Variants in GPC3 observed in about 807,000 individuals in gnomAD.
The protein encoded by GPC3 is glypican-3.
Under a neutral mutation model 34.4 loss-of-function variants are expected in GPC3, and 3 were observed. That is an observed-to-expected ratio of 0.09 (90% CI 0.04 to 0.23). The LOEUF (loss-of-function observed/expected upper bound fraction) is 0.23, where lower values mean the gene tolerates loss of function less well. Ranked by LOEUF, GPC3 falls within the 10% of genes least tolerant of loss-of-function variation. The probability of loss-of-function intolerance (pLI) is 1.00; values close to 1 mark genes in which losing one functional copy is unlikely to be tolerated. For missense variants in GPC3, 351 were observed against 445.6 expected (o/e 0.79, Z 1.91); for synonymous variants, 177 against 174.0 (o/e 1.02, Z -0.13).
intron 2 of GPC3, among the ~76,000 whole-genome samples, chrX:133,892,436 T>C (rs978808760): frequency 5.4e-5 from 6 of 111,035 alleles, no homozygotes; most frequent in African/African-American, 2.0e-4. Context: ...TGCTCAGCAG[T>C]CAGGGCAAGT....
At position 133,919,247 on chromosome X, in the gene GPC3, C is replaced by T. The variant is rs142642243; in HGVS notation, c.337+33803G>A. Reference sequence around the variant, plus strand: ...GTACATTTAGTAAATCCAAGTCATGCCAAGTTGGTGCTCTCCAACTCCAGT... The same window carrying T: ...GTACATTTAGTAAATCCAAGTCATGTCAAGTTGGTGCTCTCCAACTCCAGT... On this transcript the variant is annotated intron_variant, in intron 2 of 7. Coordinates refer to ENST00000370818, the MANE Select transcript of GPC3 (RefSeq NM_004484.4). Among the ~76,000 whole-genome samples the T allele has an allele frequency of 6.2e-5, 7 of 112,004 alleles. No individual in the cohort carries two copies. The East Asian group carries it at 1.7e-3, about 27-fold the overall frequency.
At chrX:133,691,939 T>C (rs1049501159) in intron 5 of GPC3, among the ~76,000 whole-genome samples, 11 of 112,553 alleles carry the variant, frequency 9.8e-5, no homozygotes, top group Non-Finnish European at 9.4e-5. Flanking sequence ...AGACATCATC[T>C]GGAATGTCAT....
At chrX:133,746,768 T>C (rs946246450) in intron 3 of GPC3, among the ~76,000 whole-genome samples, 1 of 112,133 alleles carries the variant, frequency 8.9e-6, no homozygotes, top group African/African-American at 3.2e-5. Context: ...TCAAATCACT[T>C]GGTACTGAAA....
intron 7 of GPC3, among the ~76,000 whole-genome samples, chrX:133,579,754 T>G (rs2069717406): frequency 9.0e-6 from 1 of 110,894 alleles, no homozygotes. Context: ...CAGGCTGGTC[T>G]CAAACTCCTG....
chrX:133,859,484 C>T (rs932481035), intron 2 of GPC3, among the ~76,000 whole-genome samples: 1 of 111,802 alleles, frequency 8.9e-6, no homozygotes, highest in Non-Finnish European at 1.9e-5. Context: ...AGGAAATCTG[C>T]TCTTCAGGGA....
At chrX:133,720,009 C>T (rs1461157387) in intron 3 of GPC3, among the ~76,000 whole-genome samples, 1 of 111,842 alleles carries the variant, frequency 8.9e-6, no homozygotes, top group Non-Finnish European at 1.9e-5. Flanking sequence ...CGATGAGATA[C>T]CACCTTACTC....
intron 2 of GPC3, among the ~76,000 whole-genome samples, chrX:133,946,786 G>A (rs190871295): frequency 2.7e-5 from 3 of 111,151 alleles, no homozygotes; most frequent in Non-Finnish European, 1.9e-5. Context: ...AACTGAGACC[G>A]ATGGGGTCTC....
At chrX:133,718,861 C>A (rs1235058311) in intron 3 of GPC3, among the ~76,000 whole-genome samples, 1 of 111,570 alleles carries the variant, frequency 9.0e-6, no homozygotes, top group African/African-American at 3.3e-5. Context: ...CAAAGAAAGA[C>A]ATTTTATAAA....
intron 2 of GPC3, among the ~76,000 whole-genome samples, chrX:133,913,106 G>C (rs964302763): frequency 1.8e-5 from 2 of 110,876 alleles, no homozygotes; most frequent in Non-Finnish European, 3.8e-5. Flanking sequence ...GTCAGAACTG[G>C]AGAAGTTAAC....
chrX:133,662,116 G>A (rs2070733969), intron 5 of GPC3, among the ~76,000 whole-genome samples: 1 of 111,430 alleles, frequency 9.0e-6, no homozygotes, highest in African/African-American at 3.3e-5. Flanking sequence ...TGCCCTTATT[G>A]TGCTCTCAGT....
chrX:133,930,446 G>C (rs1182575244), intron 2 of GPC3, among the ~76,000 whole-genome samples: 1 of 111,567 alleles, frequency 9.0e-6, no homozygotes, highest in Non-Finnish European at 1.9e-5. Context: ...CTCTATCCTT[G>C]GTTTTCCTAC....
rs182487824 is a variant in GPC3 at position 133,608,454 on chromosome X, G to A, written c.1414-11855C>T. Reference sequence around the variant, plus strand: ...GGGTCCTGGGGTGAGAGTGTACCAGGATATTACATATTTCTTCAGGGAACT... The same window carrying A: ...GGGTCCTGGGGTGAGAGTGTACCAGAATATTACATATTTCTTCAGGGAACT... On this transcript the variant is annotated intron_variant, in intron 6 of 7. Coordinates refer to ENST00000370818, the MANE Select transcript of GPC3 (RefSeq NM_004484.4). 2.3e-3 allele frequency among the ~76,000 whole-genome samples: 253 copies of A among 112,199 alleles called. 1 individual carries two copies. Among genetic ancestry groups the A allele is most frequent in the Middle Eastern group, 4.6e-3 (1 of 216 alleles).
At chrX:133,684,563 CA>C (rs749105642) in intron 5 of GPC3, among the ~76,000 whole-genome samples, 1 of 111,478 alleles carries the variant, frequency 9.0e-6, no homozygotes, top group South Asian at 3.8e-4. Context: ...ATATTATTTC[CA>C]TTGTCCATTG....
chrX:133,573,024 C>T (rs924857098), intron 7 of GPC3, among the ~76,000 whole-genome samples: 2 of 111,396 alleles, frequency 1.8e-5, no homozygotes, highest in Non-Finnish European at 3.8e-5. Context: ...ATGAACAAAG[C>T]AAATCCAGCA....
At chrX:133,789,076 T>C (rs190705639) in intron 2 of GPC3, among the ~76,000 whole-genome samples, 1 of 111,175 alleles carries the variant, frequency 9.0e-6, no homozygotes, top group East Asian at 2.9e-4. Context: ...CACCAGGAAA[T>C]TTGATTTTGA....
chrX:133,911,179 GCTAA>G (rs2076197626), intron 2 of GPC3, among the ~76,000 whole-genome samples: 1 of 112,278 alleles, frequency 8.9e-6, no homozygotes, highest in African/African-American at 3.2e-5. Context: ...TTTTATTTAT[GCTAA>G]CTACTATGGG....
intron 2 of GPC3, among the ~76,000 whole-genome samples, chrX:133,829,544 A>G (rs774574993): frequency 4.3e-4 from 48 of 111,886 alleles, no homozygotes; most frequent in African/African-American, 1.5e-3. Context: ...AGCATTCTCC[A>G]TGGCAGACCA....
intron 2 of GPC3, among the ~76,000 whole-genome samples, chrX:133,754,745 T>C (rs2071710276): frequency 8.9e-6 from 1 of 112,396 alleles, no homozygotes; most frequent in African/African-American, 3.2e-5. Flanking sequence ...GAGAGCTTTC[T>C]GACAGATTGC....
chrX:133,713,318 C>T (rs2071287546), intron 3 of GPC3, among the ~76,000 whole-genome samples: 1 of 112,220 alleles, frequency 8.9e-6, no homozygotes, highest in Admixed American at 9.5e-5. Context: ...ACTGCTTGCA[C>T]TTTATCATAA....
Sources: gnomAD v4.1 joint callset for allele counts (sites outside exome capture counted in the v4.1 genomes callset) on GRCh38, gnomAD v4.1.1 for gene constraint, MANE v1.5 for transcripts, NCBI Gene and HGNC (gene_info 2026-07-23, HGNC 2026-07-21) for gene names.